MAP2K6: variants seen among roughly 807,000 people sequenced by gnomAD.
The protein encoded by MAP2K6 is mitogen-activated protein kinase kinase 6.
A neutral mutation model predicts 53.7 loss-of-function variants in MAP2K6; 16 were observed. The observed-to-expected ratio is 0.30, with a 90% CI of 0.20 to 0.45. MAP2K6 has a LOEUF of 0.45. Among genes scored for constraint, MAP2K6 ranks in the 20% least tolerant of loss-of-function variants. The probability of loss-of-function intolerance (pLI) is 1.00; values close to 1 mark genes in which losing one functional copy is unlikely to be tolerated. For synonymous variants in MAP2K6, 132 were observed against 143.1 expected (o/e 0.92, Z 0.55); for missense variants, 204 against 411.9 (o/e 0.50, Z 4.37).
intron 1 of MAP2K6, among the ~76,000 whole-genome samples, chr17:69,428,638 T>G (rs1300046066): frequency 6.6e-6 from 1 of 152,146 alleles, no homozygotes; most frequent in Non-Finnish European, 1.5e-5. Flanking sequence ...ATACTCTGTG[T>G]GAAATGCACG....
At chr17:69,518,176 T>TGA in intron 4 of MAP2K6, among the ~76,000 whole-genome samples, 1 of 150,888 alleles carries the variant, frequency 6.6e-6, no homozygotes, top group East Asian at 1.9e-4. Context: ...GACAACAGAG[T>TGA]GAGACTCCAT....
rs563748347 is a variant in MAP2K6 at position 69,450,581 on chromosome 17, T to C, written c.16+35581T>C. Among the ~76,000 whole-genome samples the C allele has an allele frequency of 2.4e-3, 371 of 152,292 alleles. 2 individuals carry two copies. Among genetic ancestry groups the C allele is most frequent in the African/African-American group, 8.4e-3 (350 of 41,568 alleles). On this transcript the variant is annotated intron_variant, in intron 1 of 11. Transcript: ENST00000590474. ...CATGCTTTGCCTCTCTGAAACAATC[T>C]GGAAGTAGGACGTGGGAGGTCAAAC...
intron 2 of MAP2K6, among the ~76,000 whole-genome samples, chr17:69,512,339 G>GTTTTTTT (rs746993199): frequency 8.5e-5 from 7 of 82,134 alleles, no homozygotes; most frequent in Admixed American, 1.4e-4. Context: ...TTTTTTTTTT[G>GTTTTTTT]TTTTTTTTTT....
intron 11 of MAP2K6, among the ~76,000 whole-genome samples, chr17:69,537,234 AT>A (rs1232639047): frequency 6.6e-6 from 1 of 152,280 alleles, no homozygotes; most frequent in South Asian, 2.1e-4. Context: ...GGAGAAACAC[AT>A]TTTTGGGGGG....
At chr17:69,449,101 T>C (rs1907081989) in intron 1 of MAP2K6, among the ~76,000 whole-genome samples, 1 of 152,222 alleles carries the variant, frequency 6.6e-6, no homozygotes, top group African/African-American at 2.4e-5. Context: ...AGGGCATGGA[T>C]TTTGGAGCCA....
intron 9 of MAP2K6, 57 bp downstream of exon 9, chr17:69,525,035 G>A (rs897658321): frequency 2.1e-6 from 3 of 1,453,606 alleles, no homozygotes; most frequent in Non-Finnish European, 9.6e-7. Flanking sequence ...ACTAGAATGA[G>A]GTGGACGTTG....
intron 1 of MAP2K6, among the ~76,000 whole-genome samples, chr17:69,488,742 A>G (rs762695228): frequency 7.9e-5 from 12 of 152,130 alleles, no homozygotes; most frequent in Admixed American, 3.3e-4. Context: ...GATGGCAACA[A>G]TAGACCCTGG....
chr17:69,496,632 G>A (rs1413636976), intron 1 of MAP2K6, among the ~76,000 whole-genome samples: 1 of 152,128 alleles, frequency 6.6e-6, no homozygotes, highest in Non-Finnish European at 1.5e-5. Flanking sequence ...GCCTCCCAAA[G>A]TGCTGGGATT....
At chr17:69,509,686 A>G (rs1218481198) in intron 2 of MAP2K6, among the ~76,000 whole-genome samples, 1 of 152,166 alleles carries the variant, frequency 6.6e-6, no homozygotes, top group East Asian at 1.9e-4. Flanking sequence ...GAGAGCAGGC[A>G]AACTTGCTTT....
At position 69,414,872 on chromosome 17, in the gene MAP2K6, C is replaced by A; in HGVS notation, c.-113C>A. 1 of 941,000 alleles carries A rather than the reference C, an allele frequency of 1.1e-6. No homozygotes were observed. The highest frequency in any genetic ancestry group is 1.7e-6 in the Non-Finnish European group (1 of 592,228). 58.3% of individuals were successfully genotyped at this position (941,000 alleles called of 1,614,324 possible). A position where few individuals can be genotyped will look rare whatever the true frequency, so the allele number is the denominator to read the frequency against. On this transcript the variant is annotated 5_prime_UTR_variant, in exon 1 of 12. Coordinates refer to ENST00000590474, the MANE Select transcript of MAP2K6 (RefSeq NM_002758.4). ...GCTGCATCGGTCAAGAGAAACTCCACTTGCATGAAGATTGCACGCCTGCAG... is the reference window on the plus strand; with the variant it reads ...GCTGCATCGGTCAAGAGAAACTCCAATTGCATGAAGATTGCACGCCTGCAG...
At chr17:69,493,458 A>G (rs1908830392) in intron 1 of MAP2K6, among the ~76,000 whole-genome samples, 1 of 152,170 alleles carries the variant, frequency 6.6e-6, no homozygotes, top group South Asian at 2.1e-4. Context: ...GACAGTGGAT[A>G]TATAAAAAAT....
At chr17:69,415,915 A>G (rs1477592160) in intron 1 of MAP2K6, among the ~76,000 whole-genome samples, 1 of 152,060 alleles carries the variant, frequency 6.6e-6, no homozygotes, top group African/African-American at 2.4e-5. Context: ...TTTTAAACAC[A>G]GTTGTATTTT....
chr17:69,499,780 G>A (rs1909081584), intron 1 of MAP2K6, among the ~76,000 whole-genome samples: 1 of 152,196 alleles, frequency 6.6e-6, no homozygotes, highest in African/African-American at 2.4e-5. Flanking sequence ...AATAATTCTA[G>A]ATTGTGAGAA....
intron 1 of MAP2K6, among the ~76,000 whole-genome samples, chr17:69,475,096 A>G (rs952786886): frequency 7.1e-6 from 1 of 141,288 alleles, no homozygotes; most frequent in Non-Finnish European, 1.6e-5. Context: ...AAACACTTGT[A>G]TTTTCTGAAT....
intron 1 of MAP2K6, among the ~76,000 whole-genome samples, chr17:69,496,231 C>G (rs1202878053): frequency 6.6e-6 from 1 of 151,636 alleles, no homozygotes; most frequent in Non-Finnish European, 1.5e-5. Flanking sequence ...TGTCCTTCAC[C>G]GATTCTTCGA....
At chr17:69,522,987 G>A (rs1910559766) in intron 7 of MAP2K6, among the ~76,000 whole-genome samples, 1 of 152,100 alleles carries the variant, frequency 6.6e-6, no homozygotes, top group East Asian at 1.9e-4. Flanking sequence ...TTTGAGCCCA[G>A]GAGTTTGAGG....
chr17:69,455,019 C>G (rs1907352775), intron 1 of MAP2K6, among the ~76,000 whole-genome samples: 1 of 143,016 alleles, frequency 7.0e-6, no homozygotes. Flanking sequence ...GTTGGAGAGT[C>G]ATTCTTACTA....
At chr17:69,537,801 T>C (rs80059672) in intron 11 of MAP2K6, among the ~76,000 whole-genome samples, 4,472 of 152,248 alleles carry the variant, frequency 0.029, 240 homozygotes, top group African/African-American at 0.1. Context: ...GAAGGAAATA[T>C]GAGTAATGTT....
chr17:69,475,737 T>G (rs1908129069), intron 1 of MAP2K6, among the ~76,000 whole-genome samples: 1 of 152,126 alleles, frequency 6.6e-6, no homozygotes, highest in Non-Finnish European at 1.5e-5. Flanking sequence ...CTCACCCTCC[T>G]CCATGGGATG....
Sources: allele counts gnomAD v4.1 joint callset (sites outside exome capture counted in the v4.1 genomes callset), GRCh38; gene constraint gnomAD v4.1.1; transcripts MANE v1.5; gene names NCBI Gene and HGNC (gene_info 2026-07-23, HGNC 2026-07-21).